ERC2: variants seen among roughly 807,000 people sequenced by gnomAD.
ERC2 encodes the protein ERC protein 2.
In ERC2, 42 loss-of-function variants were observed where a neutral mutation model predicts 114.8. The ratio of observed to expected loss-of-function variants is 0.37; its 90% CI spans 0.29 to 0.47. ERC2 has a LOEUF of 0.47. Ranked by LOEUF, ERC2 falls within the 20% of genes least tolerant of loss-of-function variation. The pLI is 0.99. For missense variants in ERC2, 939 were observed against 1,150.7 expected (o/e 0.82, Z 2.66); for synonymous variants, 454 against 425.5 (o/e 1.07, Z -0.82).
intron 10 of ERC2, among the ~76,000 whole-genome samples, chr3:56,004,874 T>C (rs898964109): frequency 6.6e-6 from 1 of 152,082 alleles, no homozygotes; most frequent in Non-Finnish European, 1.5e-5. Flanking sequence ...CTTAAGCTTT[T>C]ATAGCTGCTT....
chr3:55,968,694 C>T (rs2068931358), intron 12 of ERC2, among the ~76,000 whole-genome samples: 1 of 152,120 alleles, frequency 6.6e-6, no homozygotes, highest in African/African-American at 2.4e-5. Context: ...ACTGACTCTC[C>T]TCTATTTCCG....
intron 15 of ERC2, among the ~76,000 whole-genome samples, chr3:55,714,531 C>A (rs2063964705): frequency 1.3e-5 from 2 of 151,536 alleles, no homozygotes. Flanking sequence ...AAGGAAAGTG[C>A]ATCACAACAT....
At chr3:56,402,878 G>A (rs2060572035) in intron 2 of ERC2, among the ~76,000 whole-genome samples, 1 of 152,078 alleles carries the variant, frequency 6.6e-6, no homozygotes, top group Admixed American at 6.6e-5. Context: ...CTCTACCTCA[G>A]CACTATTGAC....
At chr3:55,522,383 G>A (rs2053019391) in intron 17 of ERC2, among the ~76,000 whole-genome samples, 1 of 150,600 alleles carries the variant, frequency 6.6e-6, no homozygotes, top group South Asian at 2.1e-4. Context: ...AGTGAAGTGG[G>A]TTCTTAAATG....
At chr3:55,937,929 A>T (rs2149417503) in intron 13 of ERC2, among the ~76,000 whole-genome samples, 1 of 152,334 alleles carries the variant, frequency 6.6e-6, no homozygotes, top group Non-Finnish European at 1.5e-5. Flanking sequence ...GCCTAGAAAC[A>T]CATGCAGGGA....
intron 17 of ERC2, among the ~76,000 whole-genome samples, chr3:55,642,347 TC>T (rs2060223770): frequency 2.0e-5 from 1 of 49,932 alleles, no homozygotes; most frequent in African/African-American, 4.2e-5. Context: ...TTTTTTTTTT[TC>T]TTTTTTGACA....
chr3:55,524,466 G>A (rs920184288), intron 17 of ERC2, among the ~76,000 whole-genome samples: 2 of 150,462 alleles, frequency 1.3e-5, no homozygotes, highest in South Asian at 2.1e-4. Flanking sequence ...TCTTCCTGTT[G>A]GCATAGCCCA....
At chr3:56,446,346 T>C (rs1488536352) in intron 1 of ERC2, among the ~76,000 whole-genome samples, 1 of 152,154 alleles carries the variant, frequency 6.6e-6, no homozygotes, top group African/African-American at 2.4e-5. Flanking sequence ...GAAGCCCCTA[T>C]TGACAAAGTG....
chr3:55,974,255 T>C (rs1034337274), intron 12 of ERC2, among the ~76,000 whole-genome samples: 2 of 152,178 alleles, frequency 1.3e-5, no homozygotes, highest in Middle Eastern at 3.2e-3. Flanking sequence ...GATTCCACAG[T>C]GTGATTACTA....
At chr3:55,729,570 C>T (rs974201557) in intron 15 of ERC2, among the ~76,000 whole-genome samples, 3 of 152,020 alleles carry the variant, frequency 2.0e-5, no homozygotes, top group Admixed American at 6.6e-5. Flanking sequence ...GGTGTGGTGG[C>T]TCATGCCTAA....
At chr3:56,335,922 C>T (rs2057828141) in intron 2 of ERC2, among the ~76,000 whole-genome samples, 1 of 151,880 alleles carries the variant, frequency 6.6e-6, no homozygotes. Context: ...TTATGGTCTA[C>T]AAGGAAAAGC....
Position 55,717,843 on chromosome 3 carries a change from T to A in ERC2, c.2712+16928A>T, listed in dbSNP as rs568923353. ...CAAGGTGAGGATAATAATCTACAAA[T>A]CAATCCACAGATCGTGCAGAAGGGA... On this transcript the variant is annotated intron_variant, in intron 15 of 17. Coordinates refer to ENST00000288221, the MANE Select transcript of ERC2 (RefSeq NM_015576.3). 8.1e-4 allele frequency among the ~76,000 whole-genome samples: 124 copies of A among 152,274 alleles called. 1 individual carries two copies. Among genetic ancestry groups the A allele is most frequent in the Non-Finnish European group, 7.2e-4 (49 of 68,018 alleles).
At chr3:55,937,643 C>T (rs766846645) in intron 13 of ERC2, among the ~76,000 whole-genome samples, 6 of 152,132 alleles carry the variant, frequency 3.9e-5, no homozygotes, top group Middle Eastern at 3.4e-3. Context: ...GACATTGTTC[C>T]ATGAAATACA....
chr3:55,630,917 A>G (rs1034715487), intron 17 of ERC2, among the ~76,000 whole-genome samples: 1 of 152,116 alleles, frequency 6.6e-6, no homozygotes, highest in South Asian at 2.1e-4. Flanking sequence ...TAACATAAAA[A>G]TAAGAAAGAA....
chr3:55,705,454 A>T (rs2063432501), intron 15 of ERC2, among the ~76,000 whole-genome samples: 1 of 152,180 alleles, frequency 6.6e-6, no homozygotes, highest in Non-Finnish European at 1.5e-5. Flanking sequence ...AGAGCAGGAA[A>T]TGTATGTGAG....
intron 2 of ERC2, among the ~76,000 whole-genome samples, chr3:56,403,367 T>C (rs201088434): frequency 7.4e-6 from 1 of 135,756 alleles, no homozygotes; most frequent in African/African-American, 2.6e-5. Context: ...TAAATTTAAA[T>C]GAAATTAAAT....
At chr3:55,715,334 G>C (rs1343125197) in intron 15 of ERC2, among the ~76,000 whole-genome samples, 1 of 152,146 alleles carries the variant, frequency 6.6e-6, no homozygotes, top group Non-Finnish European at 1.5e-5. Flanking sequence ...GCCTAAGATT[G>C]GGAGTATCTC....
At chr3:55,944,791 T>A (rs2067024920) in intron 13 of ERC2, among the ~76,000 whole-genome samples, 1 of 152,132 alleles carries the variant, frequency 6.6e-6, no homozygotes, top group Non-Finnish European at 1.5e-5. Context: ...TCGCGGAGGA[T>A]TATAGTGTGA....
chr3:56,427,919 C>T lies in ERC2; in HGVS notation c.657+6432G>A, dbSNP rs117887545. Among the ~76,000 whole-genome samples the T allele has an allele frequency of 7.4e-4, 112 of 152,232 alleles. 3 individuals carry two copies. In the East Asian group the frequency reaches 0.02, roughly 27 times the overall value. On this transcript the variant is annotated intron_variant, in intron 2 of 17. Coordinates refer to ENST00000288221, the MANE Select transcript of ERC2 (RefSeq NM_015576.3). The stretch of plus-strand genomic sequence containing the variant: ...CACAAAACGTATGCATTATGAATTT[C>T]CAGGATAAGCATATCCAATATGTTG...
Sources: allele counts gnomAD v4.1 joint callset (sites outside exome capture counted in the v4.1 genomes callset), GRCh38; gene constraint gnomAD v4.1.1; transcripts MANE v1.5; gene names NCBI Gene and HGNC (gene_info 2026-07-23, HGNC 2026-07-21).